Variants in HPSE2 observed in about 807,000 individuals in gnomAD.
HPSE2 encodes the protein heparanase 2 (inactive).
HPSE2 carries 38 observed loss-of-function variants against 60.5 expected under a neutral mutation model. The ratio of observed to expected loss-of-function variants is 0.63; its 90% CI spans 0.48 to 0.82. The LOEUF (loss-of-function observed/expected upper bound fraction) is 0.82, where lower values mean the gene tolerates loss of function less well. Ranked by LOEUF, HPSE2 falls within the 40% of genes least tolerant of loss-of-function variation. HPSE2 has a pLI of 0.00. For missense variants in HPSE2, 713 were observed against 740.4 expected, an observed-to-expected ratio of 0.96 and a Z score of 0.43; for synonymous variants, 295 against 293.2, an observed-to-expected ratio of 1.01 and a Z score of -0.06.
intron 3 of HPSE2, among the ~76,000 whole-genome samples, chr10:98,917,042 C>T (rs1055363360): frequency 3.9e-5 from 6 of 152,104 alleles, no homozygotes; most frequent in African/African-American, 1.2e-4. Context: ...CACATGGGGA[C>T]TTGGCAACTA....
In HPSE2 at chr10:98,459,715, G is replaced by A; in HGVS notation, c.1638C>T (p.Pro546=). 6.2e-7 allele frequency: 1 copy of A among 1,613,898 alleles called. No homozygotes were observed. The highest frequency in any genetic ancestry group is 1.7e-5 in the Admixed American group (1 of 59,986). ...GGGTCCCGTCGTCCACCATCACTAA[G>A]GGCTGGCCATTCAGTTGCACTGACC... is the stretch of plus-strand genomic sequence containing the variant. ...KSKSVQLNGQ[P]LVMVDDGTLP... Residue 546 remains proline, a synonymous_variant, in exon 12 of 12, where the codon CCC becomes CCT. Coordinates refer to ENST00000370552, the MANE Select transcript of HPSE2 (RefSeq NM_021828.5).
At chr10:98,742,889 G>A (rs916933238) in intron 4 of HPSE2, among the ~76,000 whole-genome samples, 11 of 150,926 alleles carry the variant, frequency 7.3e-5, no homozygotes, top group African/African-American at 2.2e-4. Flanking sequence ...GAGTCCCCTC[G>A]TTAAAACATT....
chr10:98,512,339 T>C (rs910094350), intron 9 of HPSE2, among the ~76,000 whole-genome samples: 1 of 152,188 alleles, frequency 6.6e-6, no homozygotes, highest in Non-Finnish European at 1.5e-5. Flanking sequence ...CCCAGCACTT[T>C]GGGAGGCCGA....
At chr10:98,505,533 C>T (rs569826810) in intron 9 of HPSE2, among the ~76,000 whole-genome samples, 41 of 152,322 alleles carry the variant, frequency 2.7e-4, no homozygotes, top group African/African-American at 9.1e-4. Context: ...TCTTGATTTA[C>T]ATCCTTGCCC....
At position 98,620,231 on chromosome 10, in the gene HPSE2, T is replaced by C. The variant is rs574310232; in HGVS notation, c.1205+371A>G. ...TCCCAGTTCCATCAATCATATTTTT[T>C]TCTGGAGGGAAAAAACCATGCCTTA... On this transcript the variant is annotated intron_variant, in intron 8 of 11. Coordinates refer to ENST00000370552, the MANE Select transcript of HPSE2 (RefSeq NM_021828.5). Among the ~76,000 whole-genome samples, 4 of 152,332 alleles carry C rather than the reference T, an allele frequency of 2.6e-5. No individual in the cohort carries two copies. In the South Asian group the frequency reaches 8.3e-4, roughly 32 times the overall value.
At chr10:98,841,657 A>C (rs1951915287) in intron 3 of HPSE2, among the ~76,000 whole-genome samples, 1 of 152,172 alleles carries the variant, frequency 6.6e-6, no homozygotes, top group African/African-American at 2.4e-5. Flanking sequence ...CAATCACTTC[A>C]TCTGAGTATA....
intron 3 of HPSE2, among the ~76,000 whole-genome samples, chr10:98,891,165 G>C (rs577848779): frequency 4.6e-5 from 7 of 151,680 alleles, no homozygotes; most frequent in Non-Finnish European, 7.4e-5. Context: ...TCCCCAAAAT[G>C]TCCTTTACAT....
chr10:99,082,604 AAGAAAG>A (rs1240015634), intron 3 of HPSE2, among the ~76,000 whole-genome samples: 2 of 152,238 alleles, frequency 1.3e-5, no homozygotes, highest in African/African-American at 4.8e-5. Flanking sequence ...GAAAAAGTAG[AAGAAAG>A]AGAAATTTTT....
At chr10:99,113,225 A>C (rs1844542597) in intron 3 of HPSE2, among the ~76,000 whole-genome samples, 2 of 152,220 alleles carry the variant, frequency 1.3e-5, no homozygotes, top group East Asian at 3.9e-4. Context: ...ATGATCTTAT[A>C]TTGCTTTCCC....
intron 3 of HPSE2, among the ~76,000 whole-genome samples, chr10:99,112,338 C>G (rs1844494398): frequency 6.6e-6 from 1 of 152,192 alleles, no homozygotes; most frequent in Non-Finnish European, 1.5e-5. Context: ...CTCCTGGGTT[C>G]ACACCATTCT....
chr10:99,120,798 C>T (rs1844921527), intron 3 of HPSE2, among the ~76,000 whole-genome samples: 1 of 152,030 alleles, frequency 6.6e-6, no homozygotes, highest in African/African-American at 2.4e-5. Flanking sequence ...ATTAAAAAGT[C>T]AAAACATAAC....
chr10:98,523,125 G>T (rs1942853272), intron 9 of HPSE2, among the ~76,000 whole-genome samples: 1 of 152,088 alleles, frequency 6.6e-6, no homozygotes, highest in African/African-American at 2.4e-5. Flanking sequence ...TTGTTTGTTT[G>T]TTTGTTTCCA....
At chr10:99,207,775 A>T (rs556455741) in intron 2 of HPSE2, among the ~76,000 whole-genome samples, 1 of 151,996 alleles carries the variant, frequency 6.6e-6, no homozygotes, top group East Asian at 1.9e-4. Flanking sequence ...TCTAAATACA[A>T]AGTAAAAACC....
intron 6 of HPSE2, among the ~76,000 whole-genome samples, chr10:98,649,732 T>C (rs74918380): frequency 0.011 from 1,694 of 152,270 alleles, 27 homozygotes; most frequent in African/African-American, 0.038. Flanking sequence ...GCAAAAAAGT[T>C]TTTCAAAGTG....
At chr10:98,893,120 T>C (rs1953384628) in intron 3 of HPSE2, among the ~76,000 whole-genome samples, 1 of 152,088 alleles carries the variant, frequency 6.6e-6, no homozygotes, top group Admixed American at 6.6e-5. Flanking sequence ...CAGGCTGGAG[T>C]GCAATGGTGT....
chr10:98,884,122 C>A (rs1953100710), intron 3 of HPSE2, among the ~76,000 whole-genome samples: 1 of 152,150 alleles, frequency 6.6e-6, no homozygotes, highest in Non-Finnish European at 1.5e-5. Context: ...CCACAGAATT[C>A]CCTTAGGCAA....
At chr10:99,184,811 T>TAG (rs1384819622) in intron 2 of HPSE2, among the ~76,000 whole-genome samples, 2 of 37,872 alleles carry the variant, frequency 5.3e-5, no homozygotes, top group Admixed American at 3.6e-4. Flanking sequence ...TATATATATA[T>TAG]ATATATATAG....
In HPSE2 at chr10:98,979,955, T is replaced by C. The variant is rs1464071481; in HGVS notation, c.610+164283A>G. 4.6e-5 allele frequency among the ~76,000 whole-genome samples: 7 copies of C among 152,330 alleles called. No individual in the cohort carries two copies. In the South Asian group the frequency reaches 1.4e-3, roughly 32 times the overall value. ...GGAACTCACAAGCAGCTAGAGTGGA[T>C]ATCCATTTTTGTATGGCTTAGTTGA... On this transcript the variant is annotated intron_variant, in intron 3 of 11. Transcript: ENST00000370552.
intron 3 of HPSE2, among the ~76,000 whole-genome samples, chr10:99,101,315 CA>C (rs933621376): frequency 2.0e-5 from 3 of 151,586 alleles, no homozygotes; most frequent in South Asian, 2.1e-4. Flanking sequence ...AAATGGAAAA[CA>C]AAAAAAGGCA....
Sources: allele counts gnomAD v4.1 joint callset (sites outside exome capture counted in the v4.1 genomes callset), GRCh38; gene constraint gnomAD v4.1.1; transcripts MANE v1.5; gene names NCBI Gene and HGNC (gene_info 2026-07-23, HGNC 2026-07-21).